EMSY: variants seen among roughly 807,000 people sequenced by gnomAD.
EMSY encodes the protein BRCA2-interacting transcriptional repressor EMSY.
A neutral mutation model predicts 134.6 loss-of-function variants in EMSY; 26 were observed. The ratio of observed to expected loss-of-function variants is 0.19; its 90% CI spans 0.14 to 0.27. The LOEUF (loss-of-function observed/expected upper bound fraction) is 0.27. EMSY is among the 10% of genes least tolerant of loss of function. The pLI is 1.00. For synonymous variants in EMSY, 579 were observed against 577.8 expected (o/e 1.00, Z -0.03); for missense variants, 1,305 against 1,611.4 (o/e 0.81, Z 3.26).
intron 9 of EMSY, 61 bp from the exon 11 acceptor site, chr11:76,513,324 TG>T (rs1950341267): frequency 6.6e-7 from 1 of 1,516,396 alleles, no homozygotes; most frequent in African/African-American, 1.4e-5. Flanking sequence ...CCTCTTGGGT[TG>T]GTATAAGGGA....
At chr11:76,547,271 C>T (rs368177353) in intron 20 of EMSY, among the ~76,000 whole-genome samples, 10 of 152,164 alleles carry the variant, frequency 6.6e-5, no homozygotes, top group African/African-American at 1.7e-4. Context: ...GCCATGATCC[C>T]AAACTATGGG....
At chr11:76,459,028 G>A (rs1947995860) in intron 5 of EMSY, 1 of 152,210 alleles carries the variant, frequency 6.6e-6, no homozygotes, top group African/African-American at 2.4e-5. Context: ...AATGGCCATG[G>A]AACAGAGTAA....
At chr11:76,490,880 GTAAACACA>G (rs1949393110) in intron 8 of EMSY, among the ~76,000 whole-genome samples, 1 of 151,986 alleles carries the variant, frequency 6.6e-6, no homozygotes, top group Non-Finnish European at 1.5e-5. Flanking sequence ...GTGTGTGTGT[GTAAACACA>G]TGTACATCTG....
rs556703238 is a variant in EMSY at position 76,477,276 on chromosome 11, T to TG, written c.1108+4436_1108+4437insG. Among the ~76,000 whole-genome samples, 214 of 151,152 alleles carry TG rather than the reference T, an allele frequency of 1.4e-3. 2 individuals are homozygous for TG. Among genetic ancestry groups the TG allele is most frequent in the South Asian group, 5.6e-3 (27 of 4,816 alleles). ...TATAGGTTAATTTATTTCTGTTTTT[T>TG]TTTTTGTTTTTGTTTTTTGTTTTTT... On this transcript the variant is annotated intron_variant, in intron 8 of 20. Transcript: ENST00000334736.
chr11:76,458,468 GT>G, intron 5 of EMSY, 110 bp downstream of exon 6: 1 of 1,127,192 alleles, frequency 8.9e-7, no homozygotes, highest in Non-Finnish European at 1.2e-6. Context: ...GTGTTTAAAG[GT>G]TATGAAACAT....
intron 9 of EMSY, among the ~76,000 whole-genome samples, chr11:76,508,900 A>G (rs114442404): frequency 3.6e-4 from 55 of 152,216 alleles, no homozygotes; most frequent in African/African-American, 1.3e-3. Context: ...AACTGGCCTA[A>G]TTTCAGTATC....
chr11:76,481,265 G>C (rs1349374611), intron 8 of EMSY, among the ~76,000 whole-genome samples: 1 of 152,018 alleles, frequency 6.6e-6, no homozygotes, highest in African/African-American at 2.4e-5. Context: ...GGATGGTCTC[G>C]ATCTCCTGAC....
At chr11:76,481,486 G>A (rs1316171187) in intron 8 of EMSY, among the ~76,000 whole-genome samples, 1 of 152,226 alleles carries the variant, frequency 6.6e-6, no homozygotes, top group Non-Finnish European at 1.5e-5. Flanking sequence ...AGCAAGCTAA[G>A]ATCAACTGGC....
intron 8 of EMSY, among the ~76,000 whole-genome samples, chr11:76,473,517 C>T (rs1203036144): frequency 7.9e-5 from 12 of 151,766 alleles, no homozygotes; most frequent in Admixed American, 2.6e-4. Context: ...CCATGTTGCC[C>T]AGGCTGGTCT....
intron 1 of EMSY, among the ~76,000 whole-genome samples, chr11:76,446,001 A>G (rs772996739): frequency 3.3e-5 from 5 of 152,274 alleles, no homozygotes; most frequent in South Asian, 2.1e-4. Context: ...GGAACGGGAT[A>G]TAGCAGTTAT....
chr11:76,482,955 T>C (rs539475020), intron 8 of EMSY, among the ~76,000 whole-genome samples: 1 of 152,084 alleles, frequency 6.6e-6, no homozygotes, highest in African/African-American at 2.4e-5. Flanking sequence ...AATCGTCAGA[T>C]TCACCAAGGT....
chr11:76,546,605 T>G (rs892861013), intron 20 of EMSY, among the ~76,000 whole-genome samples: 3 of 152,212 alleles, frequency 2.0e-5, no homozygotes, highest in African/African-American at 7.2e-5. Context: ...TGTTCACTCA[T>G]TAAGTCAACC....
intron 14 of EMSY, among the ~76,000 whole-genome samples, chr11:76,529,959 A>T (rs1950975106): frequency 6.6e-6 from 1 of 152,102 alleles, no homozygotes; most frequent in African/African-American, 2.4e-5. Flanking sequence ...TTTGCACTCG[A>T]GATATACAAA....
At chr11:76,539,774 G>A in intron 17 of EMSY, 134 bp downstream of exon 18, 1 of 848,540 alleles carries the variant, frequency 1.2e-6, no homozygotes. Flanking sequence ...AAGGAAGAGA[G>A]ATTTTTCTTT....
downstream of EMSY, chr11:76,552,350 T>A (rs1165146969): frequency 1.3e-5 from 2 of 152,196 alleles, no homozygotes; most frequent in African/African-American, 2.4e-5. Flanking sequence ...TAGGTTTTTT[T>A]ATAAAGTGGA....
exon 5 of EMSY, chr11:76,458,186 G>A: frequency 6.2e-7 from 1 of 1,611,910 alleles, no homozygotes; most frequent in Non-Finnish European, 8.5e-7. Context: ...TGTTTAGTAT[G>A]TCTGGACCTA....
In EMSY at chr11:76,474,475, AAC is replaced by A. The variant is rs1381844918; in HGVS notation, c.1108+1637_1108+1638del. Among the ~76,000 whole-genome samples the A allele has an allele frequency of 3.9e-5, 6 of 152,322 alleles. No individual in the cohort carries two copies. The East Asian group carries it at 7.7e-4, about 20-fold the overall frequency. Reference sequence around the variant, plus strand: ...GTGAATGCAAGCACTCAAGTAGGAAAACAGTGTCTTGATTGCTTTAATGATGT... The same window carrying A: ...GTGAATGCAAGCACTCAAGTAGGAAAAGTGTCTTGATTGCTTTAATGATGT... On this transcript the variant is annotated intron_variant, in intron 8 of 20. Transcript: ENST00000334736.
At chr11:76,547,084 C>T (rs1346710557) in intron 20 of EMSY, 6 of 454,704 alleles carry the variant, frequency 1.3e-5, no homozygotes, top group South Asian at 6.2e-5. Flanking sequence ...TATTTTATCT[C>T]CCTCTCTCCT....
intron 20 of EMSY, among the ~76,000 whole-genome samples, chr11:76,547,543 G>A (rs563525279): frequency 2.0e-5 from 3 of 152,264 alleles, no homozygotes; most frequent in South Asian, 4.1e-4. Flanking sequence ...GCTACTTAAC[G>A]TCATTTTGCC....
Sources: allele counts gnomAD v4.1 joint callset (sites outside exome capture counted in the v4.1 genomes callset), GRCh38; gene constraint gnomAD v4.1.1; transcripts MANE v1.5; gene names NCBI Gene and HGNC (gene_info 2026-07-23, HGNC 2026-07-21).